ZNF254: variants seen among roughly 807,000 people sequenced by gnomAD.
ZNF254 encodes zinc finger protein 254.
ZNF254 carries 10 observed loss-of-function variants against 12.4 expected under a neutral mutation model. That is an observed-to-expected ratio of 0.80 (90% CI 0.50 to 1.36). The LOEUF is 1.36. Ranked by LOEUF, ZNF254 falls within the 40% of genes most tolerant of loss-of-function variation. ZNF254 has a pLI of 0.00. For synonymous variants in ZNF254, 305 were observed against 253.4 expected, an observed-to-expected ratio of 1.20 and a Z score of -1.93; for missense variants, 996 against 763.9, an observed-to-expected ratio of 1.30 and a Z score of -3.58.
chr19:24,062,087 C>CAAAAAAAA (rs72097158), intron 2 of ZNF254, among the ~76,000 whole-genome samples: 3 of 115,014 alleles, frequency 2.6e-5, no homozygotes, highest in Admixed American at 9.5e-5. Context: ...CTCTGTCTCA[C>CAAAAAAAA]AAAAAAAAAA....
At position 24,073,732 on chromosome 19, in the gene ZNF254, C is replaced by T. The variant is rs532172197; in HGVS notation, c.-94+27453C>T. ...TGAGGCTGTGACTCCACTAAGGGGA[C>T]ACAGTCCACAGCATAGATTGAGGCT... is the stretch of plus-strand genomic sequence containing the variant. On this transcript the variant is annotated intron_variant, in intron 2 of 4. Transcript: ENST00000613065. Among the ~76,000 whole-genome samples the T allele has an allele frequency of 8.7e-4, 133 of 152,324 alleles. 1 individual carries two copies. Among genetic ancestry groups the T allele is most frequent in the African/African-American group, 3.1e-3 (129 of 41,576 alleles).
chr19:24,106,491 TA>T, intron 2 of ZNF254, 56 bp from the exon 3 acceptor site: 1 of 1,384,630 alleles, frequency 7.2e-7, no homozygotes, highest in Non-Finnish European at 1.0e-6. Context: ...AGCACATTAC[TA>T]AGTTGGTAAT....
chr19:24,070,381 A>G (rs752705265), intron 2 of ZNF254, among the ~76,000 whole-genome samples: 4 of 152,128 alleles, frequency 2.6e-5, no homozygotes, highest in Admixed American at 6.5e-5. Context: ...GAAAAACACA[A>G]CCTACTTCTG....
intron 2 of ZNF254, among the ~76,000 whole-genome samples, chr19:24,051,164 T>C (rs944367164): frequency 5.9e-5 from 9 of 151,976 alleles, no homozygotes; most frequent in African/African-American, 2.2e-4. Context: ...GTAATATAAC[T>C]TTTATTTTTT....
At chr19:24,060,436 C>T (rs1194211255) in intron 2 of ZNF254, among the ~76,000 whole-genome samples, 2 of 152,114 alleles carry the variant, frequency 1.3e-5, no homozygotes, top group East Asian at 3.9e-4. Context: ...CAGTGCCCAG[C>T]ATCAATGTAA....
At chr19:24,111,025 A>G (rs1349997939) in intron 3 of ZNF254, among the ~76,000 whole-genome samples, 1 of 152,108 alleles carries the variant, frequency 6.6e-6, no homozygotes, top group African/African-American at 2.4e-5. Flanking sequence ...ATATGTATAC[A>G]TGTGCCATGC....
At chr19:24,079,498 G>A (rs1254683931) in intron 2 of ZNF254, 3 of 152,194 alleles carry the variant, frequency 2.0e-5, no homozygotes, top group Admixed American at 6.6e-5. Flanking sequence ...TTGCAAATGG[G>A]GAAGAAGGCC....
rs373870485 is a variant in ZNF254, at chr19:24,124,225, C to T, written c.254-2029C>T. On this transcript the variant is annotated intron_variant, in intron 3 of 3. Transcript: ENST00000357002. Reference sequence around the variant, plus strand: ...TAATCTGGTAAATAAACTTAAGTTGCGTACAAAAATTTGTTCTTATTATAC... The same window carrying T: ...TAATCTGGTAAATAAACTTAAGTTGTGTACAAAAATTTGTTCTTATTATAC... 2.6e-3 allele frequency among the ~76,000 whole-genome samples: 400 copies of T among 151,802 alleles called. 2 individuals carry two copies. The highest frequency in any genetic ancestry group is 4.2e-3 in the Non-Finnish European group (286 of 67,932).
chr19:24,034,112 C>T (rs866836682), intron 1 of ZNF254, among the ~76,000 whole-genome samples: 7 of 152,138 alleles, frequency 4.6e-5, no homozygotes, highest in African/African-American at 1.7e-4. Flanking sequence ...CCTGCGCCAC[C>T]ACGCCTGGCT....
At chr19:24,052,799 ATATCT>A (rs1411963243) in intron 2 of ZNF254, among the ~76,000 whole-genome samples, 2 of 152,176 alleles carry the variant, frequency 1.3e-5, no homozygotes, top group Non-Finnish European at 2.9e-5. Context: ...ATTGTGATAC[ATATCT>A]TATCCAAACT....
chr19:24,090,117 G>C (rs933365644), intron 1 of ZNF254, among the ~76,000 whole-genome samples: 2 of 151,642 alleles, frequency 1.3e-5, no homozygotes, highest in Non-Finnish European at 2.9e-5. Flanking sequence ...AGAATCAGTT[G>C]AACCTCAGAG....
chr19:24,079,562 A>C (rs891201256), intron 2 of ZNF254: 42 of 152,224 alleles, frequency 2.8e-4, no homozygotes, highest in African/African-American at 9.9e-4. Flanking sequence ...TAATAAGACA[A>C]GTTTGGTCAT....
Position 24,127,858 on chromosome 19 carries a change from C to A in ZNF254, c.1858C>A (p.His620Asn). ...AFFWSSTLTK[H>N]KRIHTGEQPY... ...TTTCTGGTCCTCAACCCTAACTAAA[C>A]ATAAGAGAATTCATACTGGAGAGCA... Residue 620 changes from histidine to asparagine, a missense_variant, in exon 4 of 4, where the codon CAT (histidine) becomes AAT (asparagine). Coordinates refer to ENST00000357002, the MANE Select transcript of ZNF254 (RefSeq NM_203282.4). The A allele has an allele frequency of 1.9e-6, 3 of 1,613,356 alleles. No homozygotes were observed. Among genetic ancestry groups the A allele is most frequent in the Non-Finnish European group, 2.5e-6 (3 of 1,179,716 alleles).
At chr19:24,085,427 A>ATATATATAT (rs1369362234), upstream of ZNF254, among the ~76,000 whole-genome samples, 1,616 of 42,450 alleles carry the variant, frequency 0.038, 149 homozygotes, top group African/African-American at 0.097. Context: ...TATATATATA[A>ATATATATAT]AAACTAAGAT....
At chr19:24,115,804 A>C (rs983894662) in intron 3 of ZNF254, among the ~76,000 whole-genome samples, 1 of 152,134 alleles carries the variant, frequency 6.6e-6, no homozygotes, top group Non-Finnish European at 1.5e-5. Context: ...CGGTTTCTAC[A>C]ATTTGGCATG....
chr19:24,106,783 C>T, intron 3 of ZNF254, 140 bp downstream of exon 3: 1 of 599,508 alleles, frequency 1.7e-6, no homozygotes. Flanking sequence ...TTAAATTATA[C>T]TCTCACATAG....
upstream of ZNF254, chr19:24,087,037 T>C: frequency 7.2e-6 from 3 of 418,758 alleles, no homozygotes; most frequent in South Asian, 6.7e-5. Flanking sequence ...TGTCACTCTT[T>C]CTTCAGCCTA....
chr19:24,046,399 A>ATG (rs1491337912), intron 2 of ZNF254: 1 of 145,810 alleles, frequency 6.9e-6, no homozygotes, highest in Non-Finnish European at 1.5e-5. Context: ...ATATATATAT[A>ATG]TGTGCAGATC....
chr19:24,092,791 G>A (rs1435621564), intron 1 of ZNF254, among the ~76,000 whole-genome samples: 1 of 152,190 alleles, frequency 6.6e-6, no homozygotes, highest in Non-Finnish European at 1.5e-5. Flanking sequence ...GTGTGTTTAT[G>A]ACAGAATAAT....
Sources: gnomAD v4.1 joint callset for allele counts (sites outside exome capture counted in the v4.1 genomes callset) on GRCh38, gnomAD v4.1.1 for gene constraint, MANE v1.5 for transcripts, NCBI Gene and HGNC (gene_info 2026-07-23, HGNC 2026-07-21) for gene names.